Variants in SPAST observed in about 807,000 individuals in gnomAD.
The protein encoded by SPAST is spastin, also known as spastic paraplegia 4 (autosomal dominant; spastin).
Under a neutral mutation model 76.6 loss-of-function variants are expected in SPAST, and 30 were observed. The observed-to-expected ratio is 0.39, with a 90% CI of 0.29 to 0.53. SPAST has a LOEUF of 0.53. SPAST is among the 20% of genes least tolerant of loss of function. SPAST has a pLI of 0.68. For missense variants in SPAST, 717 were observed against 770.5 expected, an observed-to-expected ratio of 0.93 and a Z score of 0.82; for synonymous variants, 305 against 281.0, an observed-to-expected ratio of 1.09 and a Z score of -0.86.
At chr2:32,069,795 G>A (rs1308181714) in intron 1 of SPAST, among the ~76,000 whole-genome samples, 1 of 151,890 alleles carries the variant, frequency 6.6e-6, no homozygotes, top group Admixed American at 6.6e-5. Flanking sequence ...TCCTGTCCTC[G>A]TGATCCGCCC....
chr2:32,128,691 T>C (rs1679277563), intron 9 of SPAST: 1 of 549,262 alleles, frequency 1.8e-6, no homozygotes, highest in Non-Finnish European at 3.3e-6. Flanking sequence ...GGCCATGTAA[T>C]AAAATACCGT....
chr2:32,083,750 C>A lies in SPAST; in HGVS notation c.416-3742C>A, dbSNP rs1284703344. ...TATATACTATATATATTTATATATA[C>A]TATATATATATATATATATATATAT... On this transcript the variant is annotated intron_variant, in intron 1 of 16. Transcript: ENST00000315285. 1.2e-3 allele frequency among the ~76,000 whole-genome samples: 76 copies of A among 62,764 alleles called. 1 individual carries two copies. Among genetic ancestry groups the A allele is most frequent in the East Asian group, 2.5e-3 (3 of 1,202 alleles). The allele number at this position is 62,764 out of a possible 152,430, so 41.2% of individuals were successfully genotyped here. A position where few individuals can be genotyped will look rare whatever the true frequency, so the allele number is the denominator to read the frequency against.
Position 32,114,697 on chromosome 2 carries a change from C to T in SPAST, c.742C>T (p.Arg248Cys), listed in dbSNP as rs757176714. ...PLTHTSNSLPRSKTVMKTGSA... is the reference protein window; with the variant it reads ...PLTHTSNSLPCSKTVMKTGSA... ...AACACACACTAGTAATTCACTGCCT[C>T]GTTCAAAAACAGTTATGAAAACTGG... Residue 248 changes from arginine to cysteine, a missense_variant, in exon 5 of 17, where the codon CGT becomes TGT. Physicochemically the swap from Arg to Cys is radical, Grantham distance 180. Around this residue, in one of 3 missense-constraint regions of SPAST, gnomAD observed 543 missense variants for 445.2 expected, o/e 1.22. Coordinates refer to ENST00000315285, the MANE Select transcript of SPAST (RefSeq NM_014946.4). 30 of 1,613,966 alleles carry T rather than the reference C, an allele frequency of 1.9e-5. No individual in the cohort carries two copies. The highest frequency in any genetic ancestry group is 2.4e-5 in the Non-Finnish European group (28 of 1,179,970).
chr2:32,068,279 A>T (rs1002301657), intron 1 of SPAST, among the ~76,000 whole-genome samples: 1 of 146,730 alleles, frequency 6.8e-6, no homozygotes, highest in Admixed American at 6.9e-5. Context: ...CGCCCGGCAC[A>T]TATTTTGATT....
intron 3 of SPAST, among the ~76,000 whole-genome samples, chr2:32,098,217 G>A (rs1677994059): frequency 6.6e-6 from 1 of 151,986 alleles, no homozygotes; most frequent in Non-Finnish European, 1.5e-5. Flanking sequence ...TGTAATCCCT[G>A]CACTTTGGGA....
Position 32,116,203 on chromosome 2 carries a change from G to C in SPAST, c.1089G>C (p.Leu363=). ...AAGAAATTGTTATTCTTCCTTCTCT[G>C]AGGCCTGAGGTAAGAACTTTATATT... ...ALQEIVILPS[L]RPELFTGLRA... Residue 363 remains leucine (L), a synonymous_variant, in exon 7 of 17, where the codon CTG becomes CTC. Coordinates refer to ENST00000315285, the MANE Select transcript of SPAST (RefSeq NM_014946.4). 1 of 1,609,566 alleles carries C rather than the reference G, an allele frequency of 6.2e-7. No individual in the cohort carries two copies. The highest frequency in any genetic ancestry group is 8.5e-7 in the Non-Finnish European group (1 of 1,176,126).
chr2:32,150,239 A>ATTTTTTTTTTTTTTTT, intron 16 of SPAST, among the ~76,000 whole-genome samples: 1 of 66,568 alleles, frequency 1.5e-5, no homozygotes, highest in Non-Finnish European at 2.7e-5. Flanking sequence ...CGCCCAGCTA[A>ATTTTTTTTTTTTTTTT]TTTTTTTTTT....
intron 15 of SPAST, 113 bp from the exon 16 acceptor site, chr2:32,147,105 T>C (rs926586058): frequency 2.8e-6 from 2 of 703,452 alleles, no homozygotes; most frequent in Admixed American, 4.5e-5. Context: ...TTTTTTAATA[T>C]AATGATTTGT....
chr2:32,097,302 T>C (rs541478816), intron 3 of SPAST, among the ~76,000 whole-genome samples: 1 of 152,248 alleles, frequency 6.6e-6, no homozygotes, highest in East Asian at 1.9e-4. Flanking sequence ...AAATACTCCC[T>C]TTTAATTGAT....
In SPAST at chr2:32,108,828, C is replaced by T. The variant is rs995491781; in HGVS notation, c.683-5810C>T. ...TCGCCCAGGGTGGAGTGCAGTGGCG[C>T]GATCTGGGCTCACTGCAACCTCTGC... On this transcript the variant is annotated intron_variant, in intron 4 of 16. Transcript: ENST00000315285. Among the ~76,000 whole-genome samples the T allele has an allele frequency of 4.4e-5, 6 of 136,344 alleles. No homozygotes were observed. In the East Asian group the frequency reaches 6.7e-4, roughly 15 times the overall value. 89.4% of individuals were successfully genotyped at this position (136,344 alleles called of 152,430 possible).
chr2:32,066,569 G>A (rs1399715281), intron 1 of SPAST, among the ~76,000 whole-genome samples: 5 of 152,070 alleles, frequency 3.3e-5, no homozygotes, highest in African/African-American at 1.2e-4. Flanking sequence ...TCAGGAGGCT[G>A]AGGCAAGAGA....
intron 3 of SPAST, among the ~76,000 whole-genome samples, chr2:32,095,222 A>G (rs1677873532): frequency 6.6e-6 from 1 of 152,220 alleles, no homozygotes; most frequent in South Asian, 2.1e-4. Flanking sequence ...GATAGATTGG[A>G]TAAAATGGTC....
At position 32,155,729 on chromosome 2, in the gene SPAST, T is replaced by C. The variant is rs1252447136; in HGVS notation, c.*1233T>C. On this transcript the variant is annotated 3_prime_UTR_variant, in exon 17 of 17. Transcript: ENST00000315285. The stretch of plus-strand genomic sequence containing the variant: ...TTGTAGGGAGTAGAGACTCATATCA[T>C]GGCCTTTTAAATATTGTAATAAAGG... 6.6e-6 allele frequency: 1 copy of C among 152,482 alleles called. No individual in the cohort carries two copies. The highest frequency in any genetic ancestry group is 2.4e-5 in the African/African-American group (1 of 41,368). The allele number at this position is 152,482 out of a possible 1,614,324, so 9.4% of individuals were successfully genotyped here. A position where few individuals can be genotyped will look rare whatever the true frequency, so the allele number is the denominator to read the frequency against.
At chr2:32,070,995 CTTTATACTGCAGG>C (rs1040657513) in intron 1 of SPAST, among the ~76,000 whole-genome samples, 2 of 152,118 alleles carry the variant, frequency 1.3e-5, no homozygotes, top group African/African-American at 4.8e-5. Context: ...GTACTTTTTA[CTTTATACTGCAGG>C]TTTTTATGTT....
At chr2:32,073,625 G>T (rs1676838770) in intron 1 of SPAST, among the ~76,000 whole-genome samples, 1 of 152,056 alleles carries the variant, frequency 6.6e-6, no homozygotes, top group Non-Finnish European at 1.5e-5. Flanking sequence ...CACCATGCCT[G>T]GCCAGTTTTC....
chr2:32,079,081 C>G (rs937051197), intron 1 of SPAST, among the ~76,000 whole-genome samples: 1 of 151,982 alleles, frequency 6.6e-6, no homozygotes, highest in Non-Finnish European at 1.5e-5. Context: ...GCTCAAGTGA[C>G]CCGCCCACCT....
At chr2:32,106,398 C>T (rs1308285205) in intron 4 of SPAST, among the ~76,000 whole-genome samples, 1 of 152,148 alleles carries the variant, frequency 6.6e-6, no homozygotes, top group African/African-American at 2.4e-5. Flanking sequence ...TTCCCCAACC[C>T]CTTGCGCTTC....
chr2:32,145,777 T>C (rs1341572685), intron 15 of SPAST, among the ~76,000 whole-genome samples: 1 of 152,220 alleles, frequency 6.6e-6, no homozygotes, highest in East Asian at 1.9e-4. Context: ...CACACAGATA[T>C]TTTCAGCTAC....
intron 7 of SPAST, among the ~76,000 whole-genome samples, chr2:32,118,354 A>G (rs1001793751): frequency 6.6e-6 from 1 of 152,210 alleles, no homozygotes; most frequent in African/African-American, 2.4e-5. Flanking sequence ...CTAAGTACAT[A>G]AAATCACTGG....
Sources: allele counts gnomAD v4.1 joint callset (sites outside exome capture counted in the v4.1 genomes callset), GRCh38; gene constraint gnomAD v4.1.1; regional missense constraint gnomAD v4.1.1; transcripts MANE v1.5; gene names NCBI Gene and HGNC (gene_info 2026-07-23, HGNC 2026-07-21).